Variants in ALK observed in about 807,000 individuals in gnomAD.
ALK encodes ALK receptor tyrosine kinase.
A neutral mutation model predicts 163.1 loss-of-function variants in ALK; 74 were observed. The ratio of observed to expected loss-of-function variants is 0.45; its 90% CI spans 0.38 to 0.55. ALK has a LOEUF of 0.55. Among genes scored for constraint, ALK ranks in the 20% least tolerant of loss-of-function variants. The pLI is 0.00. For synonymous variants in ALK, 960 were observed against 843.2 expected, an observed-to-expected ratio of 1.14 and a Z score of -2.40; for missense variants, 2,063 against 2,105.3, an observed-to-expected ratio of 0.98 and a Z score of 0.39.
chr2:29,668,552 G>A (rs904485634), intron 3 of ALK, among the ~76,000 whole-genome samples: 1 of 152,008 alleles, frequency 6.6e-6, no homozygotes, highest in Non-Finnish European at 1.5e-5. Flanking sequence ...CTGTGTCTGT[G>A]TATTTTCCAA....
intron 24 of ALK, among the ~76,000 whole-genome samples, chr2:29,211,917 C>T (rs1669476390): frequency 6.6e-6 from 1 of 152,196 alleles, no homozygotes; most frequent in African/African-American, 2.4e-5. Context: ...CCTTCAGTAA[C>T]TATTTCCAGA....
chr2:29,895,830 C>A (rs1293336386), intron 1 of ALK, among the ~76,000 whole-genome samples: 1 of 152,092 alleles, frequency 6.6e-6, no homozygotes, highest in Non-Finnish European at 1.5e-5. Flanking sequence ...AAAAGAGGAC[C>A]ACAGGAGTGA....
intron 1 of ALK, among the ~76,000 whole-genome samples, chr2:29,736,385 A>ATT (rs538322262): frequency 6.7e-6 from 1 of 149,126 alleles, no homozygotes; most frequent in African/African-American, 2.5e-5. Flanking sequence ...ACCATGTGTC[A>ATT]TTTTTTTTTT....
At chr2:29,824,033 T>G (rs1404007759) in intron 1 of ALK, among the ~76,000 whole-genome samples, 1 of 152,194 alleles carries the variant, frequency 6.6e-6, no homozygotes, top group Non-Finnish European at 1.5e-5. Context: ...GTGTGCAGTC[T>G]AGGGACTTGG....
chr2:29,699,764 C>T (rs1484734726), intron 2 of ALK, among the ~76,000 whole-genome samples: 1 of 152,202 alleles, frequency 6.6e-6, no homozygotes, highest in Non-Finnish European at 1.5e-5. Context: ...GACACACTTT[C>T]CAGGACCTGC....
chr2:29,352,368 G>A (rs1225473940), intron 5 of ALK, among the ~76,000 whole-genome samples: 3 of 152,240 alleles, frequency 2.0e-5, no homozygotes, highest in Non-Finnish European at 2.9e-5. Flanking sequence ...GAGCCAAGCA[G>A]GCTGGTCTCC....
At chr2:29,656,948 C>T (rs1318379807) in intron 3 of ALK, among the ~76,000 whole-genome samples, 4 of 152,206 alleles carry the variant, frequency 2.6e-5, no homozygotes, top group Non-Finnish European at 5.9e-5. Context: ...TGGTGTCTCC[C>T]TCTTCTGCTT....
At chr2:29,220,939 T>G in intron 22 of ALK, 104 bp from the exon 23 acceptor site, 1 of 1,497,740 alleles carries the variant, frequency 6.7e-7, no homozygotes. Context: ...GCAGCTACAA[T>G]GTATAAAGGC....
intron 1 of ALK, among the ~76,000 whole-genome samples, chr2:29,818,586 G>A (rs1325183419): frequency 6.6e-6 from 1 of 152,256 alleles, no homozygotes. Flanking sequence ...AAGCAAGGCA[G>A]CCTGTTAGTG....
chr2:29,385,660 A>T (rs1573305551), intron 4 of ALK, among the ~76,000 whole-genome samples: 1 of 152,222 alleles, frequency 6.6e-6, no homozygotes, highest in Non-Finnish European at 1.5e-5. Flanking sequence ...CAAAGTGCTG[A>T]GATTGCAGGT....
intron 12 of ALK, among the ~76,000 whole-genome samples, chr2:29,240,662 G>C (rs1008610801): frequency 6.6e-6 from 1 of 152,142 alleles, no homozygotes; most frequent in Non-Finnish European, 1.5e-5. Context: ...AACAGAGTGT[G>C]GGGATGGGAG....
intron 4 of ALK, among the ~76,000 whole-genome samples, chr2:29,463,971 G>T (rs1290022938): frequency 6.6e-6 from 1 of 152,112 alleles, no homozygotes; most frequent in Non-Finnish European, 1.5e-5. Flanking sequence ...CCCAGTATTA[G>T]GATTAAATTA....
chr2:29,811,561 A>G (rs1168845859), intron 1 of ALK, among the ~76,000 whole-genome samples: 2 of 152,180 alleles, frequency 1.3e-5, no homozygotes, highest in East Asian at 3.9e-4. Flanking sequence ...CAGGTGTGAG[A>G]TGGAACTAAC....
intron 8 of ALK, among the ~76,000 whole-genome samples, chr2:29,298,458 T>C (rs1193635261): frequency 1.3e-5 from 2 of 152,248 alleles, no homozygotes; most frequent in South Asian, 2.1e-4. Context: ...GGGATCACGA[T>C]GCTTTCTCCT....
chr2:29,460,786 T>C (rs980639816), intron 4 of ALK, among the ~76,000 whole-genome samples: 11 of 152,148 alleles, frequency 7.2e-5, no homozygotes, highest in Non-Finnish European at 1.5e-4. Flanking sequence ...AGCCCTACAA[T>C]GGCCTCTAAG....
chr2:29,510,364 T>C (rs1672477289), intron 4 of ALK, among the ~76,000 whole-genome samples: 1 of 152,140 alleles, frequency 6.6e-6, no homozygotes, highest in South Asian at 2.1e-4. Flanking sequence ...AATAAACCAA[T>C]ATTTGTTTAG....
chr2:29,282,788 A>G (rs985025998), intron 9 of ALK, among the ~76,000 whole-genome samples: 1 of 151,994 alleles, frequency 6.6e-6, no homozygotes. Flanking sequence ...AATCACTCAG[A>G]CCCTTCCACA....
intron 3 of ALK, among the ~76,000 whole-genome samples, chr2:29,690,263 G>T (rs1678356418): frequency 2.6e-5 from 4 of 152,180 alleles, no homozygotes. Flanking sequence ...CTCAGTAGCA[G>T]TGCTGCATCC....
At chr2:29,350,293 TGTAA>T (rs1399401758) in intron 5 of ALK, among the ~76,000 whole-genome samples, 1 of 152,186 alleles carries the variant, frequency 6.6e-6, no homozygotes, top group Non-Finnish European at 1.5e-5. Flanking sequence ...ATTGGGCCAT[TGTAA>T]GTGACTGTAT....
Sources: gnomAD v4.1 joint callset for allele counts (sites outside exome capture counted in the v4.1 genomes callset) on GRCh38, gnomAD v4.1.1 for gene constraint, MANE v1.5 for transcripts, NCBI Gene and HGNC (gene_info 2026-07-23, HGNC 2026-07-21) for gene names.